CNTN5: variants seen among roughly 807,000 people sequenced by gnomAD.
The protein encoded by CNTN5 is contactin 5.
In CNTN5, 77 loss-of-function variants were observed where a neutral mutation model predicts 129.1. The observed-to-expected ratio is 0.60, with a 90% CI of 0.50 to 0.72. CNTN5 has a LOEUF of 0.72. CNTN5 is among the 30% of genes least tolerant of loss of function. CNTN5 has a pLI of 0.00. For synonymous variants in CNTN5, 509 were observed against 465.6 expected (o/e 1.09, Z -1.20); for missense variants, 1,478 against 1,328.8 (o/e 1.11, Z -1.75).
chr11:100,047,987 C>T (rs1942774682), intron 9 of CNTN5, among the ~76,000 whole-genome samples: 1 of 151,920 alleles, frequency 6.6e-6, no homozygotes, highest in Non-Finnish European at 1.5e-5. Flanking sequence ...AAAAATTAGC[C>T]CAGCGTGGTG....
chr11:99,527,554 G>A (rs1032181641), intron 2 of CNTN5, among the ~76,000 whole-genome samples: 8 of 152,000 alleles, frequency 5.3e-5, no homozygotes, highest in African/African-American at 1.7e-4. Context: ...GAAAAATAGA[G>A]CAACTTCTCC....
intron 17 of CNTN5, 129 bp from the exon 18 acceptor site, chr11:100,270,963 C>A: frequency 1.4e-6 from 1 of 690,752 alleles, no homozygotes; most frequent in East Asian, 2.7e-5. Flanking sequence ...GAGGTGACAC[C>A]ATGACCACGT....
rs188731720 is a variant in CNTN5, at chr11:100,062,474, G to A, written c.1162+1081G>A. Among the ~76,000 whole-genome samples the A allele has an allele frequency of 1.5e-4, 23 of 152,334 alleles. 1 individual carries two copies. Among genetic ancestry groups the A allele is most frequent in the Admixed American group, 1.3e-3 (20 of 15,296 alleles). On this transcript the variant is annotated intron_variant, in intron 10 of 24. Coordinates refer to ENST00000524871, the MANE Select transcript of CNTN5 (RefSeq NM_014361.4). ...CCATTCATTCATTGATACAGTTAAT[G>A]TTTGTTAAGTGCCTCGTACTGCTCT... is the stretch of plus-strand genomic sequence containing the variant.
chr11:99,753,770 C>A (rs1192628858), intron 3 of CNTN5, among the ~76,000 whole-genome samples: 3 of 146,950 alleles, frequency 2.0e-5, no homozygotes, highest in African/African-American at 7.5e-5. Context: ...CTCACTGCAA[C>A]CTCCACCTCT....
chr11:99,344,983 T>C (rs1161231681), intron 2 of CNTN5, among the ~76,000 whole-genome samples: 1 of 152,160 alleles, frequency 6.6e-6, no homozygotes, highest in Non-Finnish European at 1.5e-5. Context: ...GCTTTCTGCA[T>C]CTGAAGGGCC....
At chr11:99,551,871 T>TG (rs1450042240) in intron 2 of CNTN5, among the ~76,000 whole-genome samples, 1 of 152,038 alleles carries the variant, frequency 6.6e-6, no homozygotes, top group Admixed American at 6.6e-5. Flanking sequence ...ATATAGCACA[T>TG]GACTGTAGTA....
intron 1 of CNTN5, among the ~76,000 whole-genome samples, chr11:99,264,477 T>A (rs1355438190): frequency 2.6e-5 from 4 of 152,060 alleles, no homozygotes; most frequent in Non-Finnish European, 5.9e-5. Flanking sequence ...TATTTGGGGA[T>A]CTATAATATG....
intron 3 of CNTN5, among the ~76,000 whole-genome samples, chr11:99,790,931 TC>T: frequency 6.6e-6 from 1 of 152,308 alleles, no homozygotes; most frequent in African/African-American, 2.4e-5. Context: ...CAGTTTAATA[TC>T]CTTTTTGGCC....
intron 9 of CNTN5, among the ~76,000 whole-genome samples, chr11:100,025,116 T>C (rs570666521): frequency 1.1e-3 from 168 of 152,130 alleles, no homozygotes; most frequent in South Asian, 3.1e-3. Context: ...AGGAGGAAAA[T>C]GGTTTTGTGG....
intron 3 of CNTN5, among the ~76,000 whole-genome samples, chr11:99,645,678 C>T (rs1951932582): frequency 6.6e-6 from 1 of 152,050 alleles, no homozygotes; most frequent in Non-Finnish European, 1.5e-5. Context: ...AACCATCATT[C>T]TCAGGAAACT....
intron 3 of CNTN5, among the ~76,000 whole-genome samples, chr11:99,694,005 A>G (rs1954151207): frequency 6.6e-6 from 1 of 152,136 alleles, no homozygotes; most frequent in Admixed American, 6.6e-5. Context: ...CAGACGGGTG[A>G]TTCAGATAGA....
At chr11:100,037,193 G>T (rs1038498172) in intron 9 of CNTN5, among the ~76,000 whole-genome samples, 2 of 141,762 alleles carry the variant, frequency 1.4e-5, no homozygotes, top group East Asian at 2.1e-4. Flanking sequence ...GTTGAATTTT[G>T]TCAAAGGCCT....
At chr11:99,165,739 C>T (rs1860836088) in intron 1 of CNTN5, among the ~76,000 whole-genome samples, 1 of 152,042 alleles carries the variant, frequency 6.6e-6, no homozygotes, top group Admixed American at 6.6e-5. Flanking sequence ...ATGTTGGTTT[C>T]CTTCTCAGGT....
intron 7 of CNTN5, among the ~76,000 whole-genome samples, chr11:99,939,071 G>A (rs1432294791): frequency 2.0e-5 from 3 of 151,962 alleles, no homozygotes; most frequent in Admixed American, 6.6e-5. Flanking sequence ...ACCCTCCGGT[G>A]TTTCTAATTT....
At chr11:100,151,177 GTTGTAA>G (rs1565290515) in intron 13 of CNTN5, among the ~76,000 whole-genome samples, 1 of 150,322 alleles carries the variant, frequency 6.7e-6, no homozygotes, top group Non-Finnish European at 1.5e-5. Flanking sequence ...TAATTTAGTT[GTTGTAA>G]TTGTTGTGTG....
chr11:99,049,933 A>C lies in CNTN5; in HGVS notation c.-210+28663A>C, dbSNP rs538257457. On this transcript the variant is annotated intron_variant, in intron 1 of 24. Transcript: ENST00000524871. Reference sequence around the variant, plus strand: ...TTCCAATTTAAAAAGGAAAGAATAAAGTCTTGCTTGTTCTATTTCTAATTT... The same window carrying C: ...TTCCAATTTAAAAAGGAAAGAATAACGTCTTGCTTGTTCTATTTCTAATTT... 1.6e-4 allele frequency: 25 copies of C among 152,296 alleles called. 2 individuals carry two copies. The East Asian group carries it at 4.8e-3, about 29-fold the overall frequency. 9.4% of individuals were successfully genotyped at this position (152,296 alleles called of 1,614,324 possible).
intron 13 of CNTN5, among the ~76,000 whole-genome samples, chr11:100,146,131 A>C (rs1946844851): frequency 6.6e-6 from 1 of 152,156 alleles, no homozygotes; most frequent in Non-Finnish European, 1.5e-5. Context: ...TGCAAAGCAG[A>C]TTTTGTGTTT....
intron 1 of CNTN5, among the ~76,000 whole-genome samples, chr11:99,054,866 T>G (rs1864567857): frequency 6.6e-6 from 1 of 151,952 alleles, no homozygotes; most frequent in Non-Finnish European, 1.5e-5. Flanking sequence ...AGGATTTAAG[T>G]GCTCAGTTTA....
At chr11:100,034,724 C>A (rs1017892186) in intron 9 of CNTN5, among the ~76,000 whole-genome samples, 1 of 152,200 alleles carries the variant, frequency 6.6e-6, no homozygotes, top group Non-Finnish European at 1.5e-5. Flanking sequence ...TAGAGACTAT[C>A]TGGTCCACAA....
Sources: allele counts gnomAD v4.1 joint callset (sites outside exome capture counted in the v4.1 genomes callset), GRCh38; gene constraint gnomAD v4.1.1; transcripts MANE v1.5; gene names NCBI Gene and HGNC (gene_info 2026-07-23, HGNC 2026-07-21).